PTPRD: variants seen among roughly 807,000 people sequenced by gnomAD.
PTPRD encodes the protein protein tyrosine phosphatase receptor type D, also known as receptor-type tyrosine-protein phosphatase delta.
Under a neutral mutation model 214.5 loss-of-function variants are expected in PTPRD, and 34 were observed. The ratio of observed to expected loss-of-function variants is 0.16; its 90% confidence interval spans 0.12 to 0.21. The LOEUF is 0.21. Among genes scored for constraint, PTPRD ranks in the 10% least tolerant of loss-of-function variants. PTPRD has a pLI of 1.00. For missense variants in PTPRD, 2,545 were observed against 2,398.7 expected (o/e 1.06, Z -1.27); for synonymous variants, 1,128 against 845.7 (o/e 1.33, Z -5.79).
At chr9:9,092,988 A>G (rs914908394) in intron 10 of PTPRD, among the ~76,000 whole-genome samples, 1 of 152,116 alleles carries the variant, frequency 6.6e-6, no homozygotes, top group Admixed American at 6.5e-5. Flanking sequence ...TGAAAAGTAC[A>G]AAAGAAACTA....
intron 35 of PTPRD, among the ~76,000 whole-genome samples, chr9:8,422,590 T>C (rs1225484902): frequency 1.3e-5 from 2 of 152,150 alleles, no homozygotes; most frequent in Non-Finnish European, 2.9e-5. Flanking sequence ...ATTCTAGAAA[T>C]CCTCAAATAT....
intron 33 of PTPRD, chr9:8,451,748 G>C: frequency 3.1e-6 from 1 of 323,138 alleles, no homozygotes; most frequent in South Asian, 2.7e-5. Context: ...GCATAAGTTG[G>C]CAAGGATGCA....
chr9:8,852,465 G>A (rs538308858), intron 11 of PTPRD, among the ~76,000 whole-genome samples: 127 of 152,302 alleles, frequency 8.3e-4, no homozygotes, highest in Non-Finnish European at 1.5e-3. Flanking sequence ...TCAGATGGCT[G>A]CTTTGGCTCT....
chr9:10,319,929 C>T lies in PTPRD; in HGVS notation c.-545+21034G>A, dbSNP rs1023591393. On this transcript the variant is annotated intron_variant, in intron 3 of 45. Coordinates refer to ENST00000381196, the MANE Select transcript of PTPRD (RefSeq NM_002839.4). ...ATCAACCTACTCAGTTCAAACAGTG[C>T]CAACCTAAAAAATATATTTTTCAGT... Among the ~76,000 whole-genome samples the T allele has an allele frequency of 1.4e-4, 22 of 152,030 alleles. No homozygotes were observed. In the East Asian group the frequency reaches 2.7e-3, roughly 19 times the overall value.
chr9:8,949,546 A>C (rs1416231237), intron 11 of PTPRD, among the ~76,000 whole-genome samples: 2 of 152,148 alleles, frequency 1.3e-5, no homozygotes, highest in Non-Finnish European at 2.9e-5. Context: ...TAACTTTTGA[A>C]GTCATGCATC....
intron 10 of PTPRD, among the ~76,000 whole-genome samples, chr9:9,058,775 A>G (rs140326756): frequency 6.6e-6 from 1 of 152,170 alleles, no homozygotes; most frequent in African/African-American, 2.4e-5. Context: ...GCAAAGGAAA[A>G]GAAAATCTTA....
At chr9:8,347,965 C>A (rs983351414) in intron 39 of PTPRD, among the ~76,000 whole-genome samples, 1 of 152,076 alleles carries the variant, frequency 6.6e-6, no homozygotes, top group Non-Finnish European at 1.5e-5. Context: ...ATGGAAGCCC[C>A]AGCAGACTAA....
At chr9:9,082,437 A>G (rs1303261863) in intron 10 of PTPRD, among the ~76,000 whole-genome samples, 3 of 152,104 alleles carry the variant, frequency 2.0e-5, no homozygotes, top group Non-Finnish European at 4.4e-5. Context: ...TAAACTAGGT[A>G]TTGATGGAAT....
intron 3 of PTPRD, among the ~76,000 whole-genome samples, chr9:10,039,214 A>C (rs2097251577): frequency 6.6e-6 from 1 of 152,140 alleles, no homozygotes; most frequent in African/African-American, 2.4e-5. Flanking sequence ...ATTATGAAAT[A>C]AAAGTGATCA....
At chr9:8,942,990 T>C (rs1038079884) in intron 11 of PTPRD, among the ~76,000 whole-genome samples, 2 of 152,088 alleles carry the variant, frequency 1.3e-5, no homozygotes, top group Non-Finnish European at 2.9e-5. Context: ...CACTTCTATA[T>C]GCCAATAGCA....
intron 8 of PTPRD, among the ~76,000 whole-genome samples, chr9:9,522,068 A>C (rs1025627194): frequency 6.6e-6 from 1 of 151,492 alleles, no homozygotes; most frequent in African/African-American, 2.4e-5. Context: ...GAGGCAGGAG[A>C]ATCGCTTGAA....
rs148415727 is a variant in PTPRD, at chr9:9,515,233, C to T, written c.-237+59499G>A. Among the ~76,000 whole-genome samples, 563 of 152,114 alleles carry T rather than the reference C, an allele frequency of 3.7e-3. 4 individuals are homozygous for T. Among genetic ancestry groups the T allele is most frequent in the African/African-American group, 0.012 (508 of 41,532 alleles). ...TGTAGCTTGTATGAGTGTCTGCCTC[C>T]GCACATACCATATAATCATTGCTTG... is the stretch of plus-strand genomic sequence containing the variant. On this transcript the variant is annotated intron_variant, in intron 8 of 45. Coordinates refer to ENST00000381196, the MANE Select transcript of PTPRD (RefSeq NM_002839.4).
intron 8 of PTPRD, among the ~76,000 whole-genome samples, chr9:9,412,693 G>C (rs978286929): frequency 2.0e-5 from 3 of 152,012 alleles, no homozygotes; most frequent in Non-Finnish European, 4.4e-5. Context: ...ATTTTTACTT[G>C]TATTTGTTTT....
At chr9:9,026,868 T>C (rs894784123) in intron 10 of PTPRD, among the ~76,000 whole-genome samples, 4 of 151,848 alleles carry the variant, frequency 2.6e-5, no homozygotes, top group Admixed American at 2.6e-4. Flanking sequence ...ACTCTCCTAC[T>C]CCGACATTTT....
At chr9:8,905,848 A>G (rs1726774091) in intron 11 of PTPRD, among the ~76,000 whole-genome samples, 1 of 152,094 alleles carries the variant, frequency 6.6e-6, no homozygotes, top group South Asian at 2.1e-4. Flanking sequence ...CAATCCAACG[A>G]GTTTATTCAC....
chr9:10,172,407 T>G (rs1176286941), intron 3 of PTPRD, among the ~76,000 whole-genome samples: 1 of 152,240 alleles, frequency 6.6e-6, no homozygotes, highest in Non-Finnish European at 1.5e-5. Context: ...ATTATATTAT[T>G]AATAATACAA....
intron 2 of PTPRD, among the ~76,000 whole-genome samples, chr9:10,484,347 A>G (rs529559717): frequency 1.3e-5 from 2 of 152,150 alleles, no homozygotes; most frequent in South Asian, 2.1e-4. Context: ...TACAACATAT[A>G]CTATGTGGGT....
rs2099929332 is a variant in PTPRD at position 9,183,324 on chromosome 9, T to C, written c.-163A>G. 1 of 152,042 alleles carries C rather than the reference T, an allele frequency of 6.6e-6. No homozygotes were observed. 9.4% of individuals were successfully genotyped at this position (152,042 alleles called of 1,614,324 possible). Reference sequence around the variant, plus strand: ...CTCACCTTGAGTTAGCCACCGTCGGTGTTTTCAGACACAGTCCCTGGCCTC... The same window carrying C: ...CTCACCTTGAGTTAGCCACCGTCGGCGTTTTCAGACACAGTCCCTGGCCTC... On this transcript the variant is annotated 5_prime_UTR_variant, in exon 10 of 46. Transcript: ENST00000381196.
At chr9:9,560,001 C>G (rs1049092927) in intron 8 of PTPRD, among the ~76,000 whole-genome samples, 3 of 152,202 alleles carry the variant, frequency 2.0e-5, no homozygotes, top group African/African-American at 7.2e-5. Flanking sequence ...ACATGTGGCT[C>G]CGGTTGTCCG....
Sources: allele counts gnomAD v4.1 joint callset (sites outside exome capture counted in the v4.1 genomes callset), GRCh38; gene constraint gnomAD v4.1.1; transcripts MANE v1.5; gene names NCBI Gene and HGNC (gene_info 2026-07-23, HGNC 2026-07-21).